The following TMED3 variants were observed in gnomAD, a reference collection of about 807,000 sequenced individuals.
TMED3 encodes transmembrane emp24 domain-containing protein 3.
TMED3 carries 9 observed loss-of-function variants against 15.0 expected under a neutral mutation model. That is an observed-to-expected ratio of 0.60 (90% confidence interval 0.36 to 1.04). TMED3 has a LOEUF of 1.04. Among genes scored for constraint, TMED3 ranks in the 50% least tolerant of loss-of-function variants. TMED3 has a pLI of 0.01. For missense variants in TMED3, 267 were observed against 278.9 expected, an observed-to-expected ratio of 0.96 and a Z score of 0.30; for synonymous variants, 117 against 121.4, an observed-to-expected ratio of 0.96 and a Z score of 0.24.
At chr15:79,330,599 C>T (rs779861969) in intron 2 of TMED3, among the ~76,000 whole-genome samples, 25 of 152,078 alleles carry the variant, frequency 1.6e-4, no homozygotes, top group Non-Finnish European at 3.2e-4. Context: ...TTAAAAGGAC[C>T]ATACTACCCA....
chr15:79,336,542 C>T (rs1170382702), intron 2 of TMED3, among the ~76,000 whole-genome samples: 5 of 152,096 alleles, frequency 3.3e-5, no homozygotes. Flanking sequence ...CTTGTAGTCC[C>T]AGCTACTTGG....
At chr15:79,395,621 T>C (rs983434279) in intron 2 of TMED3, among the ~76,000 whole-genome samples, 3 of 152,256 alleles carry the variant, frequency 2.0e-5, no homozygotes, top group African/African-American at 7.2e-5. Context: ...TTGTTATTAT[T>C]ATTTAGAATT....
At chr15:79,346,239 G>C (rs1595894934) in intron 2 of TMED3, among the ~76,000 whole-genome samples, 3 of 152,168 alleles carry the variant, frequency 2.0e-5, no homozygotes, top group Admixed American at 2.0e-4. Context: ...CCTATGTCCA[G>C]AATGGTATTG....
At chr15:79,339,100 A>G (rs1424901139) in intron 2 of TMED3, among the ~76,000 whole-genome samples, 1 of 152,152 alleles carries the variant, frequency 6.6e-6, no homozygotes, top group Non-Finnish European at 1.5e-5. Flanking sequence ...TCTAGATAGC[A>G]GTAACAAATT....
chr15:79,381,309 A>G (rs1893532294), intron 2 of TMED3, among the ~76,000 whole-genome samples: 1 of 152,214 alleles, frequency 6.6e-6, no homozygotes, highest in Admixed American at 6.5e-5. Context: ...GAGCCAAGGC[A>G]GAGTGCACAC....
At chr15:79,393,366 C>T (rs1893721093) in intron 2 of TMED3, among the ~76,000 whole-genome samples, 1 of 152,142 alleles carries the variant, frequency 6.6e-6, no homozygotes, top group Admixed American at 6.5e-5. Flanking sequence ...TGCTAAATGC[C>T]AGGAGAGGAT....
chr15:79,345,011 CAG>C (rs902722082), intron 2 of TMED3, among the ~76,000 whole-genome samples: 14 of 152,120 alleles, frequency 9.2e-5, no homozygotes, highest in East Asian at 1.9e-4. Flanking sequence ...AGAGAGAAAA[CAG>C]GGGGACAATG....
intron 2 of TMED3, among the ~76,000 whole-genome samples, chr15:79,319,631 C>G (rs1378958883): frequency 6.6e-6 from 1 of 152,148 alleles, no homozygotes; most frequent in African/African-American, 2.4e-5. Flanking sequence ...ACCACTACCA[C>G]CAAGACGCAG....
intron 2 of TMED3, among the ~76,000 whole-genome samples, chr15:79,389,046 T>A (rs551016663): frequency 6.6e-6 from 1 of 152,352 alleles, no homozygotes; most frequent in South Asian, 2.1e-4. Flanking sequence ...GGTCGTCTAT[T>A]TACTCTGCTG....
intron 2 of TMED3, among the ~76,000 whole-genome samples, chr15:79,410,450 A>T (rs988761073): frequency 1.3e-5 from 2 of 149,778 alleles, no homozygotes; most frequent in African/African-American, 2.4e-5. Flanking sequence ...GGCAGCTGTG[A>T]TGTGGCCAGC....
At chr15:79,318,149 G>C (rs1424926937) in intron 2 of TMED3, among the ~76,000 whole-genome samples, 1 of 152,102 alleles carries the variant, frequency 6.6e-6, no homozygotes, top group Non-Finnish European at 1.5e-5. Flanking sequence ...ATCCATCAGG[G>C]CTCAGCTTGT....
intron 2 of TMED3, among the ~76,000 whole-genome samples, chr15:79,394,327 G>GCC (rs35058861): frequency 6.6e-6 from 1 of 152,116 alleles, no homozygotes; most frequent in East Asian, 1.9e-4. Context: ...TTTGCAGAAC[G>GCC]CCCACCATTC....
At chr15:79,359,230 G>GT (rs5813967) in intron 2 of TMED3, among the ~76,000 whole-genome samples, 34,548 of 122,142 alleles carry the variant, frequency 0.28, 5,316 homozygotes, top group African/African-American at 0.36. Context: ...AGAAGGCTCA[G>GT]TTTTTTTTTT....
At chr15:79,321,864 T>A (rs906440) in intron 2 of TMED3, 114 bp from the exon 3 acceptor site, 1,275,918 of 1,278,124 alleles carry the variant, frequency 1, 636,888 homozygotes, top group East Asian at 1. Context: ...GCACAGACTC[T>A]TAGTTAGCAT....
chr15:79,359,239 T>TG (rs1277718189), intron 2 of TMED3, among the ~76,000 whole-genome samples: 6 of 150,116 alleles, frequency 4.0e-5, no homozygotes, highest in African/African-American at 1.2e-4. Context: ...AGTTTTTTTT[T>TG]TTTTTTTTTT....
intron 2 of TMED3, among the ~76,000 whole-genome samples, chr15:79,334,750 C>G (rs1415629023): frequency 1.3e-5 from 2 of 151,972 alleles, no homozygotes; most frequent in Non-Finnish European, 2.9e-5. Context: ...TCCAGGAAGT[C>G]AAACAGTGCA....
chr15:79,353,808 A>G (rs1335010954), intron 2 of TMED3, among the ~76,000 whole-genome samples: 1 of 152,196 alleles, frequency 6.6e-6, no homozygotes, highest in African/African-American at 2.4e-5. Flanking sequence ...TCTGTAGCAA[A>G]GCCTAAGGAT....
chr15:79,349,720 A>G (rs1232737250), intron 2 of TMED3, among the ~76,000 whole-genome samples: 1 of 152,104 alleles, frequency 6.6e-6, no homozygotes, highest in East Asian at 1.9e-4. Context: ...TCCCTGCTCC[A>G]GCCGCCTGGC....
chr15:79,361,665 A>C (rs1893129203), intron 2 of TMED3, among the ~76,000 whole-genome samples: 1 of 152,158 alleles, frequency 6.6e-6, no homozygotes, highest in Non-Finnish European at 1.5e-5. Flanking sequence ...GAACTTACTC[A>C]TGTAATCAAA....
Sources: gnomAD v4.1 joint callset for allele counts (sites outside exome capture counted in the v4.1 genomes callset) on GRCh38, gnomAD v4.1.1 for gene constraint, MANE v1.5 for transcripts, NCBI Gene and HGNC (gene_info 2026-07-23, HGNC 2026-07-21) for gene names.